TBCE: variants seen among roughly 807,000 people sequenced by gnomAD.
The protein encoded by TBCE is tubulin folding cofactor E, also known as tubulin-specific chaperone E.
A neutral mutation model predicts 77.0 loss-of-function variants in TBCE; 53 were observed. The ratio of observed to expected loss-of-function variants is 0.69; its 90% CI spans 0.55 to 0.87. TBCE has a LOEUF of 0.87. Ranked by LOEUF, TBCE falls within the 40% of genes least tolerant of loss-of-function variation. TBCE has a pLI of 0.00. For missense variants in TBCE, 624 were observed against 622.4 expected, an observed-to-expected ratio of 1.00 and a Z score of -0.03; for synonymous variants, 235 against 241.3, an observed-to-expected ratio of 0.97 and a Z score of 0.24.
intron 1 of TBCE, among the ~76,000 whole-genome samples, chr1:235,369,659 T>TA (rs55928332): frequency 0.018 from 2,656 of 151,576 alleles, 29 homozygotes; most frequent in South Asian, 0.042. Context: ...CCGTCTCTAC[T>TA]AAAAAAAAAC....
intron 4 of TBCE, among the ~76,000 whole-genome samples, chr1:235,418,867 A>G (rs1680241955): frequency 6.6e-6 from 1 of 152,270 alleles, no homozygotes; most frequent in African/African-American, 2.4e-5. Flanking sequence ...TATGGTAAAA[A>G]TATTAAGAAA....
At chr1:235,397,986 T>G (rs890754796) in intron 2 of TBCE, among the ~76,000 whole-genome samples, 5 of 152,198 alleles carry the variant, frequency 3.3e-5, no homozygotes, top group Admixed American at 2.0e-4. Context: ...TAATCACAGT[T>G]GAATGCTGGC....
At chr1:235,376,665 T>C (rs1677315919) in intron 1 of TBCE, among the ~76,000 whole-genome samples, 2 of 152,232 alleles carry the variant, frequency 1.3e-5, no homozygotes, top group East Asian at 3.9e-4. Context: ...CTGACCCGTA[T>C]GTTGATCCTG....
In TBCE at chr1:235,380,003, G is replaced by A. The variant is rs765475417; in HGVS notation, c.-31-16G>A. On this transcript the variant is annotated splice_polypyrimidine_tract_variant and intron_variant, in intron 1 of 16. Coordinates refer to ENST00000642610, the MANE Select transcript of TBCE (RefSeq NM_003193.5). ...ATTGTATTAAGTTCTTATCAGTGTT[G>A]TATTTTTCTTCCTAGATCTCATATT... The A allele has an allele frequency of 1.4e-6, 2 of 1,416,236 alleles. No homozygotes were observed. Among genetic ancestry groups the A allele is most frequent in the African/African-American group, 2.8e-5 (2 of 70,446 alleles). The allele number at this position is 1,416,236 out of a possible 1,614,324, so 87.7% of individuals were successfully genotyped here.
chr1:235,419,209 A>T (rs1680259198), intron 4 of TBCE: 1 of 538,750 alleles, frequency 1.9e-6, no homozygotes, highest in Non-Finnish European at 3.3e-6. Context: ...TCTGGCTAAA[A>T]AGCAAAAAGA....
intron 5 of TBCE, among the ~76,000 whole-genome samples, chr1:235,423,015 T>A (rs115631341): frequency 0.016 from 2,411 of 152,332 alleles, 23 homozygotes; most frequent in African/African-American, 0.028. Flanking sequence ...ATGATTGGTA[T>A]TTGCAGATAC....
chr1:235,446,193 T>G (rs75546057), intron 15 of TBCE, among the ~76,000 whole-genome samples: 5 of 152,048 alleles, frequency 3.3e-5, no homozygotes, highest in Admixed American at 3.3e-4. Context: ...CTTTTTTTTT[T>G]GAGACGGAGT....
chr1:235,448,075 G>A (rs1682549424), intron 15 of TBCE, among the ~76,000 whole-genome samples: 1 of 152,058 alleles, frequency 6.6e-6, no homozygotes, highest in Non-Finnish European at 1.5e-5. Context: ...TGGGTGTGGT[G>A]ATGGGCACCA....
chr1:235,449,024 A>C lies in TBCE; in HGVS notation c.*262A>C. Reference sequence around the variant, plus strand: ...TTACAGCTCATCACTGCATTTCATGATAAGATTTAAATATTAAATAGAAAG... The same window carrying C: ...TTACAGCTCATCACTGCATTTCATGCTAAGATTTAAATATTAAATAGAAAG... On this transcript the variant is annotated 3_prime_UTR_variant, in exon 17 of 17. Transcript: ENST00000642610. 1 of 378,952 alleles carries C rather than the reference A, an allele frequency of 2.6e-6. No individual in the cohort carries two copies. 23.5% of individuals were successfully genotyped at this position (378,952 alleles called of 1,614,324 possible). A position where few individuals can be genotyped will look rare whatever the true frequency, so the allele number is the denominator to read the frequency against.
intron 3 of TBCE, among the ~76,000 whole-genome samples, chr1:235,408,297 A>G (rs1404116673): frequency 6.6e-6 from 1 of 152,210 alleles, no homozygotes; most frequent in Admixed American, 6.6e-5. Context: ...TAAAAATTAA[A>G]CTAAAAAAAG....
chr1:235,414,774 T>A, intron 4 of TBCE, 156 bp downstream of exon 4: 1 of 723,836 alleles, frequency 1.4e-6, no homozygotes, highest in Non-Finnish European at 2.4e-6. Context: ...ATCCAAGAAT[T>A]ATTTAGGGAA....
intron 3 of TBCE, among the ~76,000 whole-genome samples, chr1:235,414,150 C>T (rs1450407600): frequency 2.6e-5 from 4 of 152,172 alleles, no homozygotes; most frequent in Admixed American, 1.3e-4. Context: ...GCCACCGTGC[C>T]TGGCCACCCC....
chr1:235,395,627 C>T (rs910417271), intron 2 of TBCE, among the ~76,000 whole-genome samples: 1 of 151,568 alleles, frequency 6.6e-6, no homozygotes, highest in Non-Finnish European at 1.5e-5. Flanking sequence ...CCACAGCAAC[C>T]TCCGCCTCCT....
At chr1:235,392,219 G>A (rs180896889) in intron 2 of TBCE, among the ~76,000 whole-genome samples, 16 of 152,082 alleles carry the variant, frequency 1.1e-4, no homozygotes, top group South Asian at 2.1e-4. Flanking sequence ...GCCAGGCATG[G>A]TGGCATGTGC....
chr1:235,385,456 C>A lies in TBCE; in HGVS notation c.100+5307C>A, dbSNP rs556785755. Among the ~76,000 whole-genome samples the A allele has an allele frequency of 8.1e-3, 1,234 of 152,020 alleles. 9 individuals are homozygous for A. The highest frequency in any genetic ancestry group is 9.8e-3 in the Non-Finnish European group (668 of 68,006). The stretch of plus-strand genomic sequence containing the variant: ...ATTATCATTGTGTGGGAGTCTAAGT[C>A]TCTTTGTAGGTCACTGAGGACTTGC... On this transcript the variant is annotated intron_variant, in intron 2 of 16. Transcript: ENST00000642610.
chr1:235,368,071 A>G (rs146340931), intron 1 of TBCE, among the ~76,000 whole-genome samples: 5,896 of 151,962 alleles, frequency 0.039, 424 homozygotes, highest in African/African-American at 0.14. Flanking sequence ...ACGCTCGGCT[A>G]ATTTTTGTAT....
chr1:235,446,980 T>C lies in TBCE; in HGVS notation c.1400-1369T>C, dbSNP rs979793587. 3.9e-5 allele frequency among the ~76,000 whole-genome samples: 6 copies of C among 152,268 alleles called. No individual in the cohort carries two copies. The South Asian group carries it at 8.3e-4, about 21-fold the overall frequency. On this transcript the variant is annotated intron_variant, in intron 15 of 16. Coordinates refer to ENST00000642610, the MANE Select transcript of TBCE (RefSeq NM_003193.5). ...GTGAGCAGGCCAGGCAGATTTCTTA[T>C]TAGAACTGTTTTATGACCAAACTTT...
intron 15 of TBCE, among the ~76,000 whole-genome samples, chr1:235,445,426 C>A (rs1004172021): frequency 1.3e-5 from 2 of 152,100 alleles, no homozygotes; most frequent in Admixed American, 6.6e-5. Context: ...CCCAGGAGTT[C>A]GAGACCAGCC....
At position 235,443,644 on chromosome 1, in the gene TBCE, G is replaced by A. The variant is rs968174839; in HGVS notation, c.1399+733G>A. Among the ~76,000 whole-genome samples, 4 of 152,302 alleles carry A rather than the reference G, an allele frequency of 2.6e-5. No homozygotes were observed. The East Asian group carries it at 5.8e-4, about 22-fold the overall frequency. On this transcript the variant is annotated intron_variant, in intron 15 of 16. Transcript: ENST00000642610. ...CTTCTCATCCCTTCATAAGAGAGGA[G>A]CTGTGTCCTGGTGAACCAAATTCTT...
Sources: allele counts gnomAD v4.1 joint callset (sites outside exome capture counted in the v4.1 genomes callset), GRCh38; gene constraint gnomAD v4.1.1; transcripts MANE v1.5; gene names NCBI Gene and HGNC (gene_info 2026-07-23, HGNC 2026-07-21).